The following XKRX variants were observed in gnomAD, a reference collection of about 807,000 sequenced individuals.
XKRX encodes XK related X-linked.
Under a neutral mutation model 22.4 loss-of-function variants are expected in XKRX, and 11 were observed. That is an observed-to-expected ratio of 0.49 (90% confidence interval 0.31 to 0.81). The LOEUF is 0.81. Ranked by LOEUF, XKRX falls within the 40% of genes least tolerant of loss-of-function variation. XKRX has a pLI of 0.05. For missense variants in XKRX, 320 were observed against 336.5 expected (o/e 0.95, Z 0.38); for synonymous variants, 114 against 132.2 (o/e 0.86, Z 0.94).
the XKRX span, chrX:100,957,342 G>A: frequency 8.6e-7 from 1 of 1,161,541 alleles, no homozygotes; most frequent in Non-Finnish European, 1.2e-6. Context: ...TTGGACTCCG[G>A]TTACTGGTCT....
At chrX:100,954,658 C>T in the XKRX span, among the ~76,000 whole-genome samples, 1 of 111,963 alleles carries the variant, frequency 8.9e-6, no homozygotes. Context: ...AAAATGAAAG[C>T]AGCCCAAATG....
the XKRX span, among the ~76,000 whole-genome samples, chrX:100,890,391 A>C: frequency 9.1e-6 from 1 of 109,826 alleles, no homozygotes; most frequent in Non-Finnish European, 1.9e-5. Context: ...TTCCTTGTAA[A>C]GTGGGTCAAG....
intron 2 of XKRX, among the ~76,000 whole-genome samples, chrX:100,920,523 G>A (rs2085466969): frequency 9.0e-6 from 1 of 110,557 alleles, no homozygotes; most frequent in South Asian, 3.8e-4. Context: ...ATTCTGTATG[G>A]TTTTTAATTT....
chrX:100,951,034 A>G, the XKRX span, among the ~76,000 whole-genome samples: 1 of 109,463 alleles, frequency 9.1e-6, no homozygotes, highest in East Asian at 2.9e-4. Flanking sequence ...GGAGTTCGAG[A>G]GCAGCCTGAC....
the XKRX span, among the ~76,000 whole-genome samples, chrX:100,946,947 A>G: frequency 3.6e-5 from 4 of 112,322 alleles, no homozygotes; most frequent in African/African-American, 1.3e-4. Context: ...TGACACATAC[A>G]TTCAACTAAA....
At chrX:100,904,016 C>T in the XKRX span, among the ~76,000 whole-genome samples, 1 of 111,245 alleles carries the variant, frequency 9.0e-6, no homozygotes, top group Non-Finnish European at 1.9e-5. Context: ...AGCAAAAGGC[C>T]CAGAATAGCC....
Position 100,928,167 on chromosome X carries a change from C to T in XKRX, c.138G>A (p.Gly46=). 1 of 1,211,312 alleles carries T rather than the reference C, an allele frequency of 8.3e-7. No homozygotes were observed. The highest frequency in any genetic ancestry group is 3.0e-5 in the East Asian group (1 of 33,834). ...CCATGTACAAAGCAGATGCAGCCTC[C>T]CCACAGTACAAAAAGGTGGAGAAAA... ...SILFSTFLYC[G]EAASALYMVR... is the part of the protein sequence containing the mutation. The change falls in exon 1 of 3, where the codon GGG becomes GGA. Residue 46 remains glycine (G), a synonymous_variant. Coordinates refer to ENST00000372956, the MANE Select transcript of XKRX (RefSeq NM_212559.3).
the XKRX span, among the ~76,000 whole-genome samples, chrX:100,898,830 T>C: frequency 9.0e-6 from 1 of 111,168 alleles, no homozygotes; most frequent in Non-Finnish European, 1.9e-5. Context: ...TTCTCTTTTC[T>C]TTCTTTCTTT....
chrX:100,891,064 A>G, the XKRX span, among the ~76,000 whole-genome samples: 1 of 111,406 alleles, frequency 9.0e-6, no homozygotes, highest in Non-Finnish European at 1.9e-5. Flanking sequence ...TTATAGTCTT[A>G]TTATCAGTGT....
chrX:100,925,086 G>A (rs1183717212), intron 1 of XKRX, among the ~76,000 whole-genome samples: 1 of 112,145 alleles, frequency 8.9e-6, no homozygotes, highest in Non-Finnish European at 1.9e-5. Flanking sequence ...CTGCATAAGT[G>A]CATTTTCAAT....
the XKRX span, chrX:100,957,259 T>A: frequency 1.0e-6 from 1 of 986,606 alleles, no homozygotes. Flanking sequence ...AGATTTGACA[T>A]GGAAGTGAAA....
downstream of XKRX, among the ~76,000 whole-genome samples, chrX:100,912,279 A>T (rs918672469): frequency 9.0e-6 from 1 of 111,553 alleles, no homozygotes; most frequent in African/African-American, 3.3e-5. Context: ...ATATGACAAT[A>T]ACTAAGTCTC....
chrX:100,896,489 C>T, the XKRX span, among the ~76,000 whole-genome samples: 4 of 111,590 alleles, frequency 3.6e-5, no homozygotes, highest in Admixed American at 9.6e-5. Context: ...GGGAAATACA[C>T]ACATACATGT....
chrX:100,934,118 A>G (rs1192452809), upstream of XKRX, among the ~76,000 whole-genome samples: 1 of 111,635 alleles, frequency 9.0e-6, no homozygotes, highest in African/African-American at 3.3e-5. Context: ...ATCATACAAT[A>G]TATGATCATA....
downstream of XKRX, chrX:100,910,809 G>GA: frequency 1.3e-6 from 1 of 787,289 alleles, no homozygotes. Context: ...GAGAGGCTAC[G>GA]AACGTTCAAA....
chrX:100,910,225 C>G (rs1005219133), downstream of XKRX, among the ~76,000 whole-genome samples: 1 of 110,988 alleles, frequency 9.0e-6, no homozygotes, highest in African/African-American at 3.3e-5. Flanking sequence ...ATTTTCTGGC[C>G]CTGTCTCTGC....
chrX:100,953,881 C>A, the XKRX span, among the ~76,000 whole-genome samples: 4 of 90,834 alleles, frequency 4.4e-5, no homozygotes, highest in African/African-American at 1.7e-4. Context: ...TGCACTCCAG[C>A]CTGGGCAACA....
At chrX:100,951,615 A>G in the XKRX span, among the ~76,000 whole-genome samples, 1 of 111,548 alleles carries the variant, frequency 9.0e-6, no homozygotes, top group Admixed American at 9.6e-5. Context: ...AAAACCATAC[A>G]GATGATGACT....
the XKRX span, among the ~76,000 whole-genome samples, chrX:100,904,358 G>C: frequency 2.4e-3 from 267 of 111,740 alleles, no homozygotes; most frequent in African/African-American, 7.9e-3. Flanking sequence ...ACTCGAAATG[G>C]ATCAGAGACT....
Sources: gnomAD v4.1 joint callset for allele counts (sites outside exome capture counted in the v4.1 genomes callset) on GRCh38, gnomAD v4.1.1 for gene constraint, MANE v1.5 for transcripts, NCBI Gene and HGNC (gene_info 2026-07-23, HGNC 2026-07-21) for gene names.